ISLR: variants seen among roughly 807,000 people sequenced by gnomAD.
ISLR encodes the protein immunoglobulin superfamily containing leucine-rich repeat protein.
ISLR carries 9 observed loss-of-function variants against 11.0 expected under a neutral mutation model. That is an observed-to-expected ratio of 0.82 (90% confidence interval 0.49 to 1.43). The LOEUF (loss-of-function observed/expected upper bound fraction) is 1.43. Among genes scored for constraint, ISLR ranks in the 40% most tolerant of loss-of-function variants. ISLR has a pLI of 0.00. For missense variants in ISLR, 510 were observed against 576.4 expected (o/e 0.88, Z 1.18); for synonymous variants, 262 against 264.1 (o/e 0.99, Z 0.08).
rs775109292 is a variant in ISLR, at chr15:74,174,951, C to G, written c.93C>G (p.Phe31Leu). 1 of 1,611,144 alleles carries G rather than the reference C, an allele frequency of 6.2e-7. No individual in the cohort carries two copies. The highest frequency in any genetic ancestry group is 8.5e-7 in the Non-Finnish European group (1 of 1,179,002). Residue 31 changes from phenylalanine to leucine, a missense_variant, in exon 2 of 2, where the codon TTC becomes TTG. Coordinates refer to ENST00000249842, the MANE Select transcript of ISLR (RefSeq NM_005545.4). ...GCGACTGTGGGGAAAAGTATGGCTT[C>G]CAGATCGCCGACTGTGCCTACCGCG... ...EPCDCGEKYG[F>L]QIADCAYRDL...
In ISLR at chr15:74,175,221, CAGT is replaced by C; in HGVS notation, c.364_366del (p.Ser122del). 6.2e-7 allele frequency: 1 copy of C among 1,613,558 alleles called. No homozygotes were observed. The highest frequency in any genetic ancestry group is 8.5e-7 in the Non-Finnish European group (1 of 1,180,016). The stretch of plus-strand genomic sequence containing the variant: ...TTGCCTGGAGCGACCTGCACAACCT[CAGT>C]GCCCTCCAATTGCTCAAGATGGACA... On this transcript the variant is annotated inframe_deletion, in exon 2 of 2. Coordinates refer to ENST00000249842, the MANE Select transcript of ISLR (RefSeq NM_005545.4). This position sits in a 1 kb window ranked among gnomAD's most constrained non-coding sequence, Gnocchi z 4.7.
chr15:74,173,781 G>C lies in ISLR; in HGVS notation c.-247G>C, dbSNP rs1348396066. 1 of 154,422 alleles carries C rather than the reference G, an allele frequency of 6.5e-6. No homozygotes were observed. Among genetic ancestry groups the C allele is most frequent in the East Asian group, 1.9e-4 (1 of 5,190 alleles). The allele number at this position is 154,422 out of a possible 1,614,324, so 9.6% of individuals were successfully genotyped here. Reference sequence around the variant, plus strand: ...TTTGCTGGAAGGAGGGAGTGCGCGGGCTGCCCCGGGCTCCTCCCTGCCGCC... The same window carrying C: ...TTTGCTGGAAGGAGGGAGTGCGCGGCCTGCCCCGGGCTCCTCCCTGCCGCC... On this transcript the variant is annotated 5_prime_UTR_variant, in exon 1 of 2. Coordinates refer to ENST00000249842, the MANE Select transcript of ISLR (RefSeq NM_005545.4).
rs757702820 is a variant in ISLR, at chr15:74,175,183, C to A, written c.325C>A (p.Leu109Ile). The part of the protein sequence containing the change: ...HLKSLDLSHN[L>I]ISDFAWSDLH... Reference sequence around the variant, plus strand: ...CAAGAGCCTGGACCTCAGCCACAATCTCATCTCTGACTTTGCCTGGAGCGA... The same window carrying A: ...CAAGAGCCTGGACCTCAGCCACAATATCATCTCTGACTTTGCCTGGAGCGA... The change falls in exon 2 of 2, where the codon CTC (leucine) becomes ATC (isoleucine). Residue 109 changes from leucine (L) to isoleucine (I), a missense_variant. By Grantham distance (5) the Leu-to-Ile change is conservative (BLOSUM62 2). Transcript: ENST00000249842. This position sits in a 1 kb window ranked among gnomAD's most constrained non-coding sequence, Gnocchi z 4.7. 16 of 1,613,064 alleles carry A rather than the reference C, an allele frequency of 9.9e-6. No individual in the cohort carries two copies. The highest frequency in any genetic ancestry group is 1.4e-5 in the Non-Finnish European group (16 of 1,180,008).
chr15:74,176,411 G>A lies in ISLR; in HGVS notation c.*266G>A, dbSNP rs778529405. On this transcript the variant is annotated 3_prime_UTR_variant, in exon 2 of 2. Coordinates refer to ENST00000249842, the MANE Select transcript of ISLR (RefSeq NM_005545.4). ...GCATTGCCTGTGCTCTCCTCTCAGGGGCAGCATGCTAACGGGGCGACGTCC... is the reference window on the plus strand; with the variant it reads ...GCATTGCCTGTGCTCTCCTCTCAGGAGCAGCATGCTAACGGGGCGACGTCC... 7.0e-6 allele frequency: 3 copies of A among 428,864 alleles called. No homozygotes were observed. Among genetic ancestry groups the A allele is most frequent in the Non-Finnish European group, 1.3e-5 (3 of 234,780 alleles). The allele number at this position is 428,864 out of a possible 1,614,324, so 26.6% of individuals were successfully genotyped here. A position where few individuals can be genotyped will look rare whatever the true frequency, so the allele number is the denominator to read the frequency against.
chr15:74,174,923 C>CAG lies in ISLR; in HGVS notation c.65_66insAG (p.Cys23AlafsTer20). ...GGCCTGGCTCAGGCCTGCCCTGAGC[C>CAG]CTGCGACTGTGGGGAAAAGTATGGC... is the stretch of plus-strand genomic sequence containing the variant. On this transcript the variant is annotated frameshift_variant, in exon 2 of 2. Transcript: ENST00000249842. LOFTEE classifies it high-confidence loss of function. 1 of 1,599,262 alleles carries CAG rather than the reference C, an allele frequency of 6.3e-7. No homozygotes were observed. Among genetic ancestry groups the CAG allele is most frequent in the Non-Finnish European group, 8.5e-7 (1 of 1,173,746 alleles).
Position 74,175,723 on chromosome 15 carries a change from G to T in ISLR, c.865G>T (p.Gly289Trp). 6.2e-7 allele frequency: 1 copy of T among 1,613,946 alleles called. No individual in the cohort carries two copies. The highest frequency in any genetic ancestry group is 8.5e-7 in the Non-Finnish European group (1 of 1,179,910). ...EITSPNVGTDGRALPGTPVAS... is the reference protein window; with the variant it reads ...EITSPNVGTDWRALPGTPVAS... ...CACCAGCCCCAACGTGGGCACTGAT[G>T]GGCGTGCCCTGCCTGGCACCCCTGT... The change falls in exon 2 of 2, where the codon GGG becomes TGG. Residue 289 changes from glycine (G) to tryptophan (W), a missense_variant. Coordinates refer to ENST00000249842, the MANE Select transcript of ISLR (RefSeq NM_005545.4). This position sits in a 1 kb window ranked among gnomAD's most constrained non-coding sequence, Gnocchi z 4.7.
rs1349983040 is a variant in ISLR, at chr15:74,175,173, C to T, written c.315C>T (p.Leu105=). Residue 105 remains leucine (L), a synonymous_variant, in exon 2 of 2, where the codon CTC becomes CTT. Coordinates refer to ENST00000249842, the MANE Select transcript of ISLR (RefSeq NM_005545.4). The surrounding 1 kb of genome is among the most constrained non-coding windows in gnomAD (Gnocchi z 4.7). ...ASLSHLKSLD[L]SHNLISDFAW... is the part of the protein sequence containing the mutation. ...TGAGCCATCTCAAGAGCCTGGACCT[C>T]AGCCACAATCTCATCTCTGACTTTG... 49 of 1,612,720 alleles carry T rather than the reference C, an allele frequency of 3.0e-5. No individual in the cohort carries two copies. Among genetic ancestry groups the T allele is most frequent in the Non-Finnish European group, 4.1e-5 (48 of 1,180,014 alleles).
rs1239749313 is a variant in ISLR, at chr15:74,175,017, T to G, written c.159T>G (p.Thr53=). The G allele has an allele frequency of 2.5e-6, 4 of 1,612,062 alleles. No individual in the cohort carries two copies. The highest frequency in any genetic ancestry group is 1.3e-5 in the African/African-American group (1 of 74,778). Residue 53 remains threonine (T), a synonymous_variant, in exon 2 of 2, where the codon ACT becomes ACG. Transcript: ENST00000249842. The surrounding 1 kb of genome is among the most constrained non-coding windows in gnomAD (Gnocchi z 4.7). ...CGCCTGGCTTCCCGGCCAATGTGAC[T>G]ACACTGAGCCTGTCAGCCAACCGGC... ...SVPPGFPANV[T]TLSLSANRLP...
chr15:74,175,762 C>A lies in ISLR; in HGVS notation c.904C>A (p.Pro302Thr). The A allele has an allele frequency of 6.2e-7, 1 of 1,613,938 alleles. No individual in the cohort carries two copies. The highest frequency in any genetic ancestry group is 8.5e-7 in the Non-Finnish European group (1 of 1,179,936). The stretch of plus-strand genomic sequence containing the variant: ...TGGCACCCCTGTGGCCAGCTCCCAG[C>A]CGCGCTTCCAGGCCTTTGCCAATGG... ...LPGTPVASSQ[P>T]RFQAFANGSL... The change falls in exon 2 of 2, where the codon CCG becomes ACG. Residue 302 changes from proline to threonine, a missense_variant. Pro to Thr is a conservative substitution (Grantham distance 38). Transcript: ENST00000249842. This position sits in a 1 kb window ranked among gnomAD's most constrained non-coding sequence, Gnocchi z 4.7.
Position 74,176,353 on chromosome 15 carries a change from A to C in ISLR, c.*208A>C. 3 of 495,284 alleles carry C rather than the reference A, an allele frequency of 6.1e-6. No individual in the cohort carries two copies. The highest frequency in any genetic ancestry group is 1.1e-5 in the Non-Finnish European group (3 of 275,474). The allele number at this position is 495,284 out of a possible 1,614,324, so 30.7% of individuals were successfully genotyped here. A position where few individuals can be genotyped will look rare whatever the true frequency, so the allele number is the denominator to read the frequency against. On this transcript the variant is annotated 3_prime_UTR_variant, in exon 2 of 2. Transcript: ENST00000249842. ...GACTAGGATAGAATTTGATCCCCTAACTCACTGTCTGCGGTGCTCATTGCT... is the reference window on the plus strand; with the variant it reads ...GACTAGGATAGAATTTGATCCCCTACCTCACTGTCTGCGGTGCTCATTGCT...
rs769533239 is a variant in ISLR at position 74,175,682 on chromosome 15, G to A, written c.824G>A (p.Ser275Asn). ...CTTCACTGGCACATCCAGATACCCA[G>A]TGGCATTGTGGAGATCACCAGCCCC... ...PQLHWHIQIP[S>N]GIVEITSPNV... Residue 275 changes from serine to asparagine, a missense_variant, in exon 2 of 2, where the codon AGT becomes AAT. Coordinates refer to ENST00000249842, the MANE Select transcript of ISLR (RefSeq NM_005545.4). The surrounding 1 kb of genome is among the most constrained non-coding windows in gnomAD (Gnocchi z 4.7). 6.2e-7 allele frequency: 1 copy of A among 1,614,020 alleles called. No individual in the cohort carries two copies. The highest frequency in any genetic ancestry group is 1.3e-5 in the African/African-American group (1 of 74,952).
rs1595815405 is a variant in ISLR at position 74,176,685 on chromosome 15, C to G, written c.*540C>G. ...TTGGGGGCTTGGGAGTCCCTTTGTC[C>G]TCATCTGAGACTGAAATGTGGGGAT... On this transcript the variant is annotated 3_prime_UTR_variant, in exon 2 of 2. Coordinates refer to ENST00000249842, the MANE Select transcript of ISLR (RefSeq NM_005545.4). 1 of 168,574 alleles carries G rather than the reference C, an allele frequency of 5.9e-6. No individual in the cohort carries two copies. Among genetic ancestry groups the G allele is most frequent in the East Asian group, 1.9e-4 (1 of 5,214 alleles). The allele number at this position is 168,574 out of a possible 1,614,324, so 10.4% of individuals were successfully genotyped here. A position where few individuals can be genotyped will look rare whatever the true frequency, so the allele number is the denominator to read the frequency against.
Position 74,175,121 on chromosome 15 carries a change from C to A in ISLR, c.263C>A (p.Thr88Lys), listed in dbSNP as rs199636609. 4.7e-5 allele frequency: 75 copies of A among 1,610,454 alleles called. No individual in the cohort carries two copies. The highest frequency in any genetic ancestry group is 6.1e-5 in the Non-Finnish European group (72 of 1,179,972). The change falls in exon 2 of 2, where the codon ACG becomes AAG. Residue 88 changes from threonine to lysine, a missense_variant. Thr to Lys is a moderately conservative substitution (Grantham distance 78, BLOSUM62 -1). Transcript: ENST00000249842. This position sits in a 1 kb window ranked among gnomAD's most constrained non-coding sequence, Gnocchi z 4.7. Reference protein sequence around the residue: ...SLWLAHNEIRTVAAGALASLS... With the variant: ...SLWLAHNEIRKVAAGALASLS... ...TGGCTGGCACACAATGAGATCCGCA[C>A]GGTGGCCGCCGGAGCCCTGGCCTCT...
rs3888004 is a variant in ISLR at position 74,176,425 on chromosome 15, G to A, written c.*280G>A. The A allele has an allele frequency of 0.17, 68,655 of 405,262 alleles. 7,318 individuals carry two copies. The highest frequency in any genetic ancestry group is 0.21 in the Non-Finnish European group (45,672 of 219,240). 25.1% of individuals were successfully genotyped at this position (405,262 alleles called of 1,614,324 possible). A position where few individuals can be genotyped will look rare whatever the true frequency, so the allele number is the denominator to read the frequency against. ...CTCCTCTCAGGGGCAGCATGCTAAC[G>A]GGGCGACGTCCTAATCCAACTGGGA... is the stretch of plus-strand genomic sequence containing the variant. On this transcript the variant is annotated 3_prime_UTR_variant, in exon 2 of 2. Transcript: ENST00000249842.
rs1441287277 is a variant in ISLR at position 74,175,499 on chromosome 15, A to G, written c.641A>G (p.His214Arg). 1 of 1,610,256 alleles carries G rather than the reference A, an allele frequency of 6.2e-7. No homozygotes were observed. Among genetic ancestry groups the G allele is most frequent in the South Asian group, 1.1e-5 (1 of 91,042 alleles). Residue 214 changes from histidine (H) to arginine (R), a missense_variant, in exon 2 of 2, where the codon CAT becomes CGT. Coordinates refer to ENST00000249842, the MANE Select transcript of ISLR (RefSeq NM_005545.4). The surrounding 1 kb of genome is among the most constrained non-coding windows in gnomAD (Gnocchi z 4.7). ...EQDNIACTSPHVLKGTPLSRL... is the reference protein window; with the variant it reads ...EQDNIACTSPRVLKGTPLSRL... ...GACAACATCGCCTGCACCTCACCCCATGTGCTCAAGGGTACGCCGCTGAGC... is the reference window on the plus strand; with the variant it reads ...GACAACATCGCCTGCACCTCACCCCGTGTGCTCAAGGGTACGCCGCTGAGC...
In ISLR at chr15:74,175,507, A is replaced by G. The variant is rs1244564659; in HGVS notation, c.649A>G (p.Lys217Glu). 2 of 1,610,194 alleles carry G rather than the reference A, an allele frequency of 1.2e-6. No individual in the cohort carries two copies. Among genetic ancestry groups the G allele is most frequent in the African/African-American group, 1.3e-5 (1 of 74,920 alleles). The change falls in exon 2 of 2, where the codon AAG (lysine) becomes GAG (glutamate). Residue 217 changes from lysine to glutamate, a missense_variant. Transcript: ENST00000249842. This position sits in a 1 kb window ranked among gnomAD's most constrained non-coding sequence, Gnocchi z 4.7. Reference protein sequence around the residue: ...NIACTSPHVLKGTPLSRLPPL... With the variant: ...NIACTSPHVLEGTPLSRLPPL... ...CGCCTGCACCTCACCCCATGTGCTC[A>G]AGGGTACGCCGCTGAGCCGCCTGCC...
At position 74,176,714 on chromosome 15, in the gene ISLR, G is replaced by A. The variant is rs150100794; in HGVS notation, c.*569G>A. 6.5e-5 allele frequency: 11 copies of A among 167,972 alleles called. No homozygotes were observed. In the Middle Eastern group the frequency reaches 0.01, roughly 155 times the overall value. The allele number at this position is 167,972 out of a possible 1,614,324, so 10.4% of individuals were successfully genotyped here. A position where few individuals can be genotyped will look rare whatever the true frequency, so the allele number is the denominator to read the frequency against. ...TCTGAGACTGAAATGTGGGGATCCA[G>A]GATGGCCTTCCTTCCTCTTACCCTT... On this transcript the variant is annotated 3_prime_UTR_variant, in exon 2 of 2. Coordinates refer to ENST00000249842, the MANE Select transcript of ISLR (RefSeq NM_005545.4).
At position 74,174,967 on chromosome 15, in the gene ISLR, G is replaced by A. The variant is rs1164412086; in HGVS notation, c.109G>A (p.Ala37Thr). Residue 37 changes from alanine to threonine, a missense_variant, in exon 2 of 2, where the codon GCC (alanine) becomes ACC (threonine). Transcript: ENST00000249842. Reference sequence around the variant, plus strand: ...GTATGGCTTCCAGATCGCCGACTGTGCCTACCGCGACCTAGAATCCGTGCC... The same window carrying A: ...GTATGGCTTCCAGATCGCCGACTGTACCTACCGCGACCTAGAATCCGTGCC... ...EKYGFQIADC[A>T]YRDLESVPPG... 3 of 1,613,012 alleles carry A rather than the reference G, an allele frequency of 1.9e-6. No individual in the cohort carries two copies. Among genetic ancestry groups the A allele is most frequent in the Non-Finnish European group, 2.5e-6 (3 of 1,179,710 alleles).
Position 74,175,825 on chromosome 15 carries a change from G to A in ISLR, c.967G>A (p.Gly323Ser). 1 of 1,614,086 alleles carries A rather than the reference G, an allele frequency of 6.2e-7. No individual in the cohort carries two copies. Among genetic ancestry groups the A allele is most frequent in the Non-Finnish European group, 8.5e-7 (1 of 1,180,026 alleles). ...CCCCGACTTTGGCAAGCTGGAGGAAGGCACCTACAGCTGCCTGGCCACCAA... is the reference window on the plus strand; with the variant it reads ...CCCCGACTTTGGCAAGCTGGAGGAAAGCACCTACAGCTGCCTGGCCACCAA... The part of the protein sequence containing the change: ...LIPDFGKLEE[G>S]TYSCLATNEL... Residue 323 changes from glycine (G) to serine (S), a missense_variant, in exon 2 of 2, where the codon GGC (glycine) becomes AGC (serine). Coordinates refer to ENST00000249842, the MANE Select transcript of ISLR (RefSeq NM_005545.4). This position sits in a 1 kb window ranked among gnomAD's most constrained non-coding sequence, Gnocchi z 4.7.
Sources: gnomAD v4.1 joint callset for allele counts on GRCh38, gnomAD v4.1.1 for gene constraint, Gnocchi (gnomAD v3.1) non-coding constraint, MANE v1.5 for transcripts, NCBI Gene and HGNC (gene_info 2026-07-23, HGNC 2026-07-21) for gene names.